TPI1: variants seen among roughly 807,000 people sequenced by gnomAD.
The protein encoded by TPI1 is triosephosphate isomerase.
Under a neutral mutation model 31.0 loss-of-function variants are expected in TPI1, and 11 were observed. That is an observed-to-expected ratio of 0.36 (90% confidence interval 0.22 to 0.59). The LOEUF (loss-of-function observed/expected upper bound fraction) is 0.59. Ranked by LOEUF, TPI1 falls within the 20% of genes least tolerant of loss-of-function variation. TPI1 has a pLI of 0.79. For synonymous variants in TPI1, 121 were observed against 122.8 expected (o/e 0.99, Z 0.10); for missense variants, 245 against 319.7 (o/e 0.77, Z 1.78).
At position 6,869,120 on chromosome 12, in the gene TPI1, C is replaced by T. The variant is rs370863694; in HGVS notation, c.261C>T (p.Cys87=). ...TTAGCCCTGGCATGATCAAAGACTGCGGAGCCACGTGGGTGGTCCTGGGGC... is the reference window on the plus strand; with the variant it reads ...TTAGCCCTGGCATGATCAAAGACTGTGGAGCCACGTGGGTGGTCCTGGGGC... ...GEISPGMIKD[C]GATWVVLGHS... is the part of the protein sequence containing the mutation. The change falls in exon 3 of 7, where the codon TGC becomes TGT. Residue 87 remains cysteine, a synonymous_variant. Transcript: ENST00000396705. 111 of 1,614,142 alleles carry T rather than the reference C, an allele frequency of 6.9e-5. No individual in the cohort carries two copies. The highest frequency in any genetic ancestry group is 1.6e-4 in the South Asian group (15 of 91,066).
At position 6,869,321 on chromosome 12, in the gene TPI1, G is replaced by A; in HGVS notation, c.388G>A (p.Glu130Lys). The A allele has an allele frequency of 1.9e-6, 3 of 1,614,136 alleles. No individual in the cohort carries two copies. Among genetic ancestry groups the A allele is most frequent in the Non-Finnish European group, 2.5e-6 (3 of 1,179,980 alleles). Reference protein sequence around the residue: ...EGLGVIACIGEKLDEREAGIT... With the variant: ...EGLGVIACIGKKLDEREAGIT... ...ACTCGGAGTAATCGCCTGCATTGGG[G>A]AGAAGCTAGATGAAAGGGAAGCTGG... Residue 130 changes from glutamate to lysine, a missense_variant, in exon 4 of 7, where the codon GAG (glutamate) becomes AAG (lysine). Coordinates refer to ENST00000396705, the MANE Select transcript of TPI1 (RefSeq NM_000365.6).
intron 1 of TPI1, chr12:6,868,317 CAGTT>C: frequency 7.8e-7 from 1 of 1,287,674 alleles, no homozygotes; most frequent in Non-Finnish European, 1.0e-6. Flanking sequence ...GCCTCTGAGT[CAGTT>C]AGGTCTCTGC....
chr12:6,869,714 G>A lies in TPI1; in HGVS notation c.484G>A (p.Val162Ile), dbSNP rs782391534. The A allele has an allele frequency of 5.8e-5, 93 of 1,614,070 alleles. No individual in the cohort carries two copies. The highest frequency in any genetic ancestry group is 6.9e-5 in the Non-Finnish European group (81 of 1,180,042). ...TAACGTGAAGGACTGGAGCAAGGTC[G>A]TCCTGGCCTATGAGCCTGTGTGGGC... ...ADNVKDWSKV[V>I]LAYEPVWAIG... Residue 162 changes from valine (V) to isoleucine (I), a missense_variant, in exon 5 of 7, where the codon GTC becomes ATC. Val to Ile is a conservative substitution (Grantham distance 29). Around this residue, in one of 3 missense-constraint regions of TPI1, gnomAD observed 127 missense variants for 163.7 expected, o/e 0.78. Coordinates refer to ENST00000396705, the MANE Select transcript of TPI1 (RefSeq NM_000365.6).
rs1944517514 is a variant in TPI1, at chr12:6,868,914, C to G, written c.166C>G (p.Leu56Val). ...CTATATCGACTTCGCCCGGCAGAAG[C>G]TAGATCCCAAGATTGCTGTGGCTGC... ...TAYIDFARQKLDPKIAVAAQN... is the reference protein window; with the variant it reads ...TAYIDFARQKVDPKIAVAAQN... Residue 56 changes from leucine (L) to valine (V), a missense_variant, in exon 2 of 7, where the codon CTA (leucine) becomes GTA (valine). By Grantham distance (32) the Leu-to-Val change is conservative (BLOSUM62 1). This residue lies in a region of TPI1 where 95 missense variants were observed against 96.4 expected (regional missense o/e 0.99). Coordinates refer to ENST00000396705, the MANE Select transcript of TPI1 (RefSeq NM_000365.6). The G allele has an allele frequency of 6.2e-7, 1 of 1,614,142 alleles. No homozygotes were observed. The highest frequency in any genetic ancestry group is 2.2e-5 in the East Asian group (1 of 44,880).
intron 6 of TPI1, 38 bp downstream of exon 6, chr12:6,870,174 T>C (rs1232421394): frequency 3.7e-6 from 6 of 1,604,338 alleles, no homozygotes; most frequent in Non-Finnish European, 5.1e-6. Flanking sequence ...TGGAGTGGGC[T>C]GAGGACTAGA....
rs147738509 is a variant in TPI1 at position 6,868,026 on chromosome 12, G to T, written c.115+345G>T. 4.1e-6 allele frequency: 5 copies of T among 1,205,002 alleles called. No homozygotes were observed. In the South Asian group the frequency reaches 6.4e-5, roughly 15 times the overall value. 74.6% of individuals were successfully genotyped at this position (1,205,002 alleles called of 1,614,324 possible). A position where few individuals can be genotyped will look rare whatever the true frequency, so the allele number is the denominator to read the frequency against. On this transcript the variant is annotated intron_variant, in intron 1 of 6. Transcript: ENST00000396705. ...CCCGAGGCTCTGCGGGAGACCGGGG[G>T]AGGCTGGGCCGCGTGGGCTTCCCGC...
chr12:6,869,138 C>T lies in TPI1; in HGVS notation c.279C>T (p.Val93=), dbSNP rs946809888. The T allele has an allele frequency of 6.2e-7, 1 of 1,614,106 alleles. No individual in the cohort carries two copies. The highest frequency in any genetic ancestry group is 8.5e-7 in the Non-Finnish European group (1 of 1,180,024). ...AAGACTGCGGAGCCACGTGGGTGGTCCTGGGGCACTCAGAGAGAAGGCATG... is the reference window on the plus strand; with the variant it reads ...AAGACTGCGGAGCCACGTGGGTGGTTCTGGGGCACTCAGAGAGAAGGCATG... The part of the protein sequence containing the change: ...MIKDCGATWV[V]LGHSERRHVF... The change falls in exon 3 of 7, where the codon GTC becomes GTT. Residue 93 remains valine (V), a synonymous_variant. Coordinates refer to ENST00000396705, the MANE Select transcript of TPI1 (RefSeq NM_000365.6).
chr12:6,867,896 C>G (rs1394587683), intron 1 of TPI1, among the ~76,000 whole-genome samples: 11 of 152,200 alleles, frequency 7.2e-5, no homozygotes, highest in Non-Finnish European at 1.2e-4. Context: ...CATGATGCCC[C>G]TTGGACTATG....
chr12:6,867,757 G>T, intron 1 of TPI1, 76 bp downstream of exon 1: 2 of 1,346,936 alleles, frequency 1.5e-6, no homozygotes, highest in Admixed American at 5.9e-5. Flanking sequence ...CCTCTCCCGA[G>T]GCCCCGAGGC....
Position 6,867,572 on chromosome 12 carries a change from G to T in TPI1, c.6G>T (p.Ala2=), listed in dbSNP as rs1251763050. 1.2e-6 allele frequency: 2 copies of T among 1,612,482 alleles called. No individual in the cohort carries two copies. Among genetic ancestry groups the T allele is most frequent in the Non-Finnish European group, 8.5e-7 (1 of 1,179,614 alleles). ...AGCGCCTCGGCTCCAGCGCCATGGC[G>T]CCCTCCAGGAAGTTCTTCGTTGGGG... M[A]PSRKFFVGGN... The change falls in exon 1 of 7, where the codon GCG becomes GCT. Residue 2 remains alanine (A), a synonymous_variant. Transcript: ENST00000396705.
chr12:6,868,220 A>G (rs1350655622), intron 1 of TPI1: 3 of 1,287,660 alleles, frequency 2.3e-6, no homozygotes, highest in East Asian at 1.1e-4. Context: ...CACGGAAGGG[A>G]CCGAGCCCGT....
rs782442019 is a variant in TPI1, at chr12:6,867,532, C to T, written c.-35C>T. The T allele has an allele frequency of 2.9e-5, 46 of 1,603,802 alleles. No homozygotes were observed. Among genetic ancestry groups the T allele is most frequent in the Middle Eastern group, 1.7e-4 (1 of 6,054 alleles). Reference sequence around the variant, plus strand: ...AGTGGGCAGTGGCCGCGACTGCGCGCAGACACTGACCTTCAGCGCCTCGGC... The same window carrying T: ...AGTGGGCAGTGGCCGCGACTGCGCGTAGACACTGACCTTCAGCGCCTCGGC... On this transcript the variant is annotated 5_prime_UTR_variant, in exon 1 of 7. Coordinates refer to ENST00000396705, the MANE Select transcript of TPI1 (RefSeq NM_000365.6).
rs782429740 is a variant in TPI1 at position 6,869,005 on chromosome 12, A to G, written c.239+18A>G. ...GAGATCAGGTGAGATCGAGGTGGAG[A>G]GGGGTGTGTGGGACCCTTCCCTCAC... On this transcript the variant is annotated intron_variant, in intron 2 of 6. Coordinates refer to ENST00000396705, the MANE Select transcript of TPI1 (RefSeq NM_000365.6). 3 of 1,613,878 alleles carry G rather than the reference A, an allele frequency of 1.9e-6. No homozygotes were observed. The highest frequency in any genetic ancestry group is 2.5e-6 in the Non-Finnish European group (3 of 1,179,942).
At chr12:6,868,321 T>C (rs1210587748) in intron 1 of TPI1, 9 of 1,287,608 alleles carry the variant, frequency 7.0e-6, no homozygotes, top group Non-Finnish European at 9.1e-6. Context: ...CTGAGTCAGT[T>C]AGGTCTCTGC....
In TPI1 at chr12:6,868,871, T is replaced by G. The variant is rs1555132028; in HGVS notation, c.123T>G (p.Val41=). 1 of 1,612,978 alleles carries G rather than the reference T, an allele frequency of 6.2e-7. No individual in the cohort carries two copies. Among genetic ancestry groups the G allele is most frequent in the Non-Finnish European group, 8.5e-7 (1 of 1,179,748 alleles). ...AAKVPADTEV[V]CAPPTAYIDF... The stretch of plus-strand genomic sequence containing the variant: ...GTACCATCTTGTCCTCAGAGGTGGT[T>G]TGTGCTCCCCCTACTGCCTATATCG... The change falls in exon 2 of 7, where the codon GTT becomes GTG. Residue 41 remains valine (V), a synonymous_variant. Coordinates refer to ENST00000396705, the MANE Select transcript of TPI1 (RefSeq NM_000365.6).
chr12:6,868,386 C>T, intron 1 of TPI1: 8 of 1,288,232 alleles, frequency 6.2e-6, no homozygotes, highest in South Asian at 1.2e-5. Flanking sequence ...CCACCGAAAT[C>T]GGAGAGCCGC....
In TPI1 at chr12:6,869,376, C is replaced by A; in HGVS notation, c.443C>A (p.Thr148Lys). 6.2e-7 allele frequency: 1 copy of A among 1,614,046 alleles called. No individual in the cohort carries two copies. The highest frequency in any genetic ancestry group is 8.5e-7 in the Non-Finnish European group (1 of 1,179,988). The change falls in exon 4 of 7, where the codon ACA becomes AAA. Residue 148 changes from threonine (T) to lysine (K), a missense_variant. Transcript: ENST00000396705. The stretch of plus-strand genomic sequence containing the variant: ...ACTGAGAAGGTTGTTTTCGAGCAGA[C>A]AAAGGTCATCGCAGGTATCTCTGGA... The part of the protein sequence containing the change: ...GITEKVVFEQ[T>K]KVIADNVKDW...
In TPI1 at chr12:6,870,289, A is replaced by G; in HGVS notation, c.656A>G (p.Lys219Arg). 1 of 1,614,190 alleles carries G rather than the reference A, an allele frequency of 6.2e-7. No individual in the cohort carries two copies. The highest frequency in any genetic ancestry group is 8.5e-7 in the Non-Finnish European group (1 of 1,180,036). Residue 219 changes from lysine to arginine, a missense_variant, in exon 7 of 7, where the codon AAG becomes AGG. Lys to Arg is a conservative substitution (Grantham distance 26). Around this residue, in one of 3 missense-constraint regions of TPI1, gnomAD observed 127 missense variants for 163.7 expected, o/e 0.78. Coordinates refer to ENST00000396705, the MANE Select transcript of TPI1 (RefSeq NM_000365.6). ...GGCTCTGTGACTGGGGCAACCTGCA[A>G]GGAGCTGGCCAGCCAGCCTGATGTG... is the stretch of plus-strand genomic sequence containing the variant. ...YGGSVTGATC[K>R]ELASQPDVDG... is the part of the protein sequence containing the mutation.
chr12:6,869,926 G>A (rs1944549503), intron 5 of TPI1, 123 bp from the exon 6 acceptor site: 1 of 1,394,448 alleles, frequency 7.2e-7, no homozygotes, highest in East Asian at 2.3e-5. Flanking sequence ...CCAGGGCCTG[G>A]CTTGGATCAG....
Sources: allele counts gnomAD v4.1 joint callset (sites outside exome capture counted in the v4.1 genomes callset), GRCh38; gene constraint gnomAD v4.1.1; regional missense constraint gnomAD v4.1.1; transcripts MANE v1.5; gene names NCBI Gene and HGNC (gene_info 2026-07-23, HGNC 2026-07-21).